AP3B1: variants seen among roughly 807,000 people sequenced by gnomAD.
AP3B1 encodes the protein adaptor related protein complex 3 subunit beta 1, also known as AP-3 complex subunit beta-1.
A neutral mutation model predicts 132.5 loss-of-function variants in AP3B1; 61 were observed. That is an observed-to-expected ratio of 0.46 (90% CI 0.37 to 0.57). AP3B1 has a LOEUF of 0.57. Ranked by LOEUF, AP3B1 falls within the 20% of genes least tolerant of loss-of-function variation. The probability of loss-of-function intolerance (pLI) is 0.00; values close to 1 mark genes in which losing one functional copy is unlikely to be tolerated. For missense variants in AP3B1, 1,120 were observed against 1,289.4 expected, an observed-to-expected ratio of 0.87 and a Z score of 2.01; for synonymous variants, 388 against 438.3, an observed-to-expected ratio of 0.89 and a Z score of 1.43.
Position 78,002,571 on chromosome 5 carries a change from A to G in AP3B1, c.*331T>C. 3 of 556,044 alleles carry G rather than the reference A, an allele frequency of 5.4e-6. No homozygotes were observed. Among genetic ancestry groups the G allele is most frequent in the Non-Finnish European group, 9.5e-6 (3 of 315,824 alleles). 34.4% of individuals were successfully genotyped at this position (556,044 alleles called of 1,614,324 possible). On this transcript the variant is annotated 3_prime_UTR_variant, in exon 27 of 27. Coordinates refer to ENST00000255194, the MANE Select transcript of AP3B1 (RefSeq NM_003664.5). ...GAAGAAGATTTCCAATGAACTTTAA[A>G]TATCTCATTCATGTCTACCATTGTC...
chr5:78,248,905 T>C (rs912280438), intron 2 of AP3B1, among the ~76,000 whole-genome samples: 3 of 152,244 alleles, frequency 2.0e-5, no homozygotes, highest in African/African-American at 7.2e-5. Context: ...ATGAGAAATC[T>C]GCATTTATTC....
intron 2 of AP3B1, among the ~76,000 whole-genome samples, chr5:78,253,274 G>C (rs1451366439): frequency 2.0e-5 from 3 of 152,206 alleles, no homozygotes; most frequent in African/African-American, 7.2e-5. Flanking sequence ...AATATGCCAA[G>C]GCAGTGAAGA....
chr5:78,222,773 A>C (rs1376474558), intron 6 of AP3B1, among the ~76,000 whole-genome samples: 3 of 152,194 alleles, frequency 2.0e-5, no homozygotes, highest in Non-Finnish European at 4.4e-5. Context: ...CAAAGATATA[A>C]ATAGTTGAAG....
At position 78,175,501 on chromosome 5, in the gene AP3B1, A is replaced by C. The variant is rs1222156939; in HGVS notation, c.1167+125T>G. Reference sequence around the variant, plus strand: ...TAATATAGATTGAAAAGTATAAAGAAAAACCATTAACTTTATCAATGTGTT... The same window carrying C: ...TAATATAGATTGAAAAGTATAAAGACAAACCATTAACTTTATCAATGTGTT... On this transcript the variant is annotated intron_variant, in intron 11 of 26. Transcript: ENST00000255194. 4.2e-6 allele frequency: 3 copies of C among 716,350 alleles called. No homozygotes were observed. In the African/African-American group the frequency reaches 5.4e-5, roughly 13 times the overall value. 44.4% of individuals were successfully genotyped at this position (716,350 alleles called of 1,614,324 possible).
At chr5:78,075,748 T>C (rs1411654578) in intron 22 of AP3B1, among the ~76,000 whole-genome samples, 8 of 152,230 alleles carry the variant, frequency 5.3e-5, no homozygotes. Flanking sequence ...CATGGGGAGC[T>C]GAGGGGCATG....
intron 22 of AP3B1, among the ~76,000 whole-genome samples, chr5:78,051,421 C>CT (rs11369898): frequency 0.27 from 41,122 of 151,664 alleles, 6,218 homozygotes; most frequent in Admixed American, 0.4. Flanking sequence ...AGCATGTCTG[C>CT]TTTTTTTTGA....
intron 11 of AP3B1, among the ~76,000 whole-genome samples, chr5:78,171,645 C>A (rs765042762): frequency 2.0e-5 from 3 of 152,144 alleles, no homozygotes; most frequent in Admixed American, 2.0e-4. Flanking sequence ...TGGGCTGAGA[C>A]GATGGGGTTT....
chr5:78,120,831 C>T (rs1430677814), intron 17 of AP3B1, among the ~76,000 whole-genome samples: 1 of 152,182 alleles, frequency 6.6e-6, no homozygotes. Context: ...CTCAGCTCTG[C>T]ACCAAGCAGA....
intron 17 of AP3B1, among the ~76,000 whole-genome samples, chr5:78,123,521 T>A (rs1027171070): frequency 3.3e-5 from 5 of 151,668 alleles, no homozygotes; most frequent in South Asian, 2.1e-4. Context: ...AACAACCCCA[T>A]CAAAAAGTGG....
At chr5:78,064,705 T>C (rs777264318) in intron 22 of AP3B1, among the ~76,000 whole-genome samples, 1 of 152,194 alleles carries the variant, frequency 6.6e-6, no homozygotes, top group Non-Finnish European at 1.5e-5. Flanking sequence ...AGAGAGAGCA[T>C]TTAAGAAATA....
Position 78,107,153 on chromosome 5 carries a change from G to C in AP3B1, c.2397+3054C>G, listed in dbSNP as rs962720585. ...ACATTCACACTTGGGTGTCAGAGGC[G>C]TGTAAAAAGTGAAGCAACCAAAAGA... On this transcript the variant is annotated intron_variant, in intron 20 of 26. Coordinates refer to ENST00000255194, the MANE Select transcript of AP3B1 (RefSeq NM_003664.5). 3.9e-5 allele frequency among the ~76,000 whole-genome samples: 6 copies of C among 152,126 alleles called. No homozygotes were observed. The South Asian group carries it at 1.2e-3, about 32-fold the overall frequency.
At chr5:78,162,138 TA>T (rs1743412220) in intron 13 of AP3B1, among the ~76,000 whole-genome samples, 1 of 152,098 alleles carries the variant, frequency 6.6e-6, no homozygotes, top group Admixed American at 6.6e-5. Context: ...ATTTTAAAGG[TA>T]AAGTTGGCTT....
chr5:78,171,321 G>A (rs1743905629), intron 11 of AP3B1, among the ~76,000 whole-genome samples: 6 of 152,098 alleles, frequency 3.9e-5, no homozygotes, highest in Admixed American at 3.9e-4. Context: ...AAATTACCTT[G>A]GGCAGTATGG....
At chr5:78,267,465 A>G in intron 2 of AP3B1, 55 bp downstream of exon 2, 1 of 913,648 alleles carries the variant, frequency 1.1e-6, no homozygotes, top group Non-Finnish European at 1.8e-6. Flanking sequence ...ATATAATAAT[A>G]TGATCACTGC....
In AP3B1 at chr5:78,227,952, CAT is replaced by C. The variant is rs147292738; in HGVS notation, c.375+190_375+191del. Among the ~76,000 whole-genome samples the C allele has an allele frequency of 0.025, 3,785 of 152,148 alleles. 177 individuals carry two copies. Among genetic ancestry groups the C allele is most frequent in the African/African-American group, 0.084 (3,485 of 41,476 alleles). ...ATAAACAAACATACAGAAGCTGTAA[CAT>C]ATACAGCAAGGTTTCAGTTGGTTGT... On this transcript the variant is annotated intron_variant, in intron 4 of 26. Coordinates refer to ENST00000255194, the MANE Select transcript of AP3B1 (RefSeq NM_003664.5).
chr5:78,253,276 C>T (rs1747714811), intron 2 of AP3B1, among the ~76,000 whole-genome samples: 1 of 152,208 alleles, frequency 6.6e-6, no homozygotes, highest in Non-Finnish European at 1.5e-5. Flanking sequence ...TATGCCAAGG[C>T]AGTGAAGACT....
In AP3B1 at chr5:78,129,179, A is replaced by C; in HGVS notation, c.1779T>G (p.Tyr593Ter). The change falls in exon 16 of 27, where the codon TAT (tyrosine) becomes TAG (stop). Residue 593 changes from tyrosine to a stop codon, truncating the protein, a stop_gained. Coordinates refer to ENST00000255194, the MANE Select transcript of AP3B1 (RefSeq NM_003664.5). LOFTEE classifies it high-confidence loss of function. The stretch of plus-strand genomic sequence containing the variant: ...TTTGTGCTAGGAATATTTTTTTGGC[A>C]TATTTACTTAAAGCTCCACTCTTTA... ...PNVKSGALSK[Y>*]AKKIFLAQKP... 2 of 1,612,956 alleles carry C rather than the reference A, an allele frequency of 1.2e-6. No homozygotes were observed. Among genetic ancestry groups the C allele is most frequent in the Non-Finnish European group, 1.7e-6 (2 of 1,179,404 alleles).
At chr5:78,123,413 C>G (rs1752316534) in intron 17 of AP3B1, among the ~76,000 whole-genome samples, 1 of 152,064 alleles carries the variant, frequency 6.6e-6, no homozygotes, top group South Asian at 2.1e-4. Flanking sequence ...AACAGGCAAT[C>G]TACAGAATGG....
intron 21 of AP3B1, among the ~76,000 whole-genome samples, chr5:78,093,090 T>G (rs1357488978): frequency 6.6e-6 from 1 of 152,230 alleles, no homozygotes; most frequent in African/African-American, 2.4e-5. Context: ...CTAATTATGA[T>G]AGCAAAAAAT....
Sources: gnomAD v4.1 joint callset for allele counts (sites outside exome capture counted in the v4.1 genomes callset) on GRCh38, gnomAD v4.1.1 for gene constraint, MANE v1.5 for transcripts, NCBI Gene and HGNC (gene_info 2026-07-23, HGNC 2026-07-21) for gene names.